Variants in SRBD1 observed in about 807,000 individuals in gnomAD.
SRBD1 encodes the protein S1 RNA binding domain 1.
A neutral mutation model predicts 115.3 loss-of-function variants in SRBD1; 88 were observed. The ratio of observed to expected loss-of-function variants is 0.76; its 90% CI spans 0.64 to 0.91. SRBD1 has a LOEUF of 0.91. Among genes scored for constraint, SRBD1 ranks in the 40% least tolerant of loss-of-function variants. The pLI is 0.00. For synonymous variants in SRBD1, 509 were observed against 407.7 expected, an observed-to-expected ratio of 1.25 and a Z score of -2.99; for missense variants, 1,385 against 1,177.4, an observed-to-expected ratio of 1.18 and a Z score of -2.58.
At chr2:45,511,217 A>T (rs1273876912) in intron 14 of SRBD1, among the ~76,000 whole-genome samples, 4 of 152,256 alleles carry the variant, frequency 2.6e-5, no homozygotes, top group Non-Finnish European at 5.9e-5. Flanking sequence ...ATCCTCTAAG[A>T]AAAACATTTC....
intron 10 of SRBD1, among the ~76,000 whole-genome samples, chr2:45,554,418 T>C (rs1421471326): frequency 6.6e-6 from 1 of 152,194 alleles, no homozygotes; most frequent in Non-Finnish European, 1.5e-5. Context: ...CACTGTATCC[T>C]TTTTTCCCCC....
chr2:45,480,172 G>GT (rs1369606051), intron 15 of SRBD1, among the ~76,000 whole-genome samples: 2 of 152,100 alleles, frequency 1.3e-5, no homozygotes, highest in Non-Finnish European at 2.9e-5. Flanking sequence ...GATTAATACT[G>GT]TTTTCATGCC....
At position 45,418,411 on chromosome 2, in the gene SRBD1, C is replaced by A; in HGVS notation, c.2287G>T (p.Ala763Ser). Residue 763 changes from alanine to serine, a missense_variant, in exon 18 of 21, where the codon GCT (alanine) becomes TCT (serine). Transcript: ENST00000263736. ...TCCTGGTTGATTCTGATGAAGCCAG[C>A]ACACTGTTGGAAGGATTTTGGGCCC... is the stretch of plus-strand genomic sequence containing the variant. Reference protein sequence around the residue: ...GLGPKSFQQCAGFIRINQDYI... With the variant: ...GLGPKSFQQCSGFIRINQDYI... The A allele has an allele frequency of 6.2e-7, 1 of 1,613,974 alleles. No individual in the cohort carries two copies. Among genetic ancestry groups the A allele is most frequent in the Non-Finnish European group, 8.5e-7 (1 of 1,179,964 alleles).
At chr2:45,487,104 A>G (rs1383962467) in intron 15 of SRBD1, among the ~76,000 whole-genome samples, 1 of 152,214 alleles carries the variant, frequency 6.6e-6, no homozygotes. Flanking sequence ...AAGGGAAACT[A>G]CAAGCTCTTT....
At chr2:45,555,739 A>T (rs376033762) in intron 10 of SRBD1, among the ~76,000 whole-genome samples, 1 of 151,988 alleles carries the variant, frequency 6.6e-6, no homozygotes, top group Non-Finnish European at 1.5e-5. Context: ...TGATCTGCCC[A>T]TGTCAGCCTC....
intron 16 of SRBD1, among the ~76,000 whole-genome samples, chr2:45,467,370 G>A (rs1669521564): frequency 6.6e-6 from 1 of 152,190 alleles, no homozygotes; most frequent in Non-Finnish European, 1.5e-5. Context: ...AATAATTTAA[G>A]AGTGAGGGAA....
intron 14 of SRBD1, among the ~76,000 whole-genome samples, chr2:45,531,544 T>TA (rs112785323): frequency 0.099 from 15,055 of 151,724 alleles, 1,152 homozygotes; most frequent in African/African-American, 0.19. Flanking sequence ...AGTTCTACAG[T>TA]AAAGACGATA....
At chr2:45,451,821 A>T (rs979470565) in intron 16 of SRBD1, among the ~76,000 whole-genome samples, 11 of 151,874 alleles carry the variant, frequency 7.2e-5, no homozygotes, top group Non-Finnish European at 1.5e-4. Flanking sequence ...TGGGCAGTAG[A>T]GATATCAATT....
At position 45,599,671 on chromosome 2, in the gene SRBD1, G is replaced by A. The variant is rs781090155; in HGVS notation, c.426C>T (p.Ala142=). The A allele has an allele frequency of 2.5e-6, 4 of 1,614,086 alleles. No homozygotes were observed. The African/African-American group carries it at 4.0e-5, about 16-fold the overall frequency. ...KLKVEEETSK[A]SNLEGESNSS... ...TATTACTCTCACCCTCTAAGTTGCT[G>A]GCTTTGCTGGTTTCTTCTTCAACTT... The change falls in exon 4 of 21, where the codon GCC becomes GCT. Residue 142 remains alanine, a synonymous_variant. Transcript: ENST00000263736.
chr2:45,499,281 T>C (rs1670554486), intron 14 of SRBD1, among the ~76,000 whole-genome samples: 1 of 151,494 alleles, frequency 6.6e-6, no homozygotes, highest in Non-Finnish European at 1.5e-5. Context: ...ATCTAGTGGT[T>C]ATCTGTATGT....
chr2:45,475,685 C>T (rs1317632748), intron 16 of SRBD1, among the ~76,000 whole-genome samples: 1 of 152,138 alleles, frequency 6.6e-6, no homozygotes, highest in Admixed American at 6.6e-5. Flanking sequence ...GCCTATATCA[C>T]AAAACTGTTA....
In SRBD1 at chr2:45,563,270, T is replaced by C. The variant is rs187831351; in HGVS notation, c.1306-514A>G. Among the ~76,000 whole-genome samples, 297 of 152,232 alleles carry C rather than the reference T, an allele frequency of 2.0e-3. 1 individual carries two copies. The highest frequency in any genetic ancestry group is 0.017 in the Middle Eastern group (5 of 294). On this transcript the variant is annotated intron_variant, in intron 9 of 20. Transcript: ENST00000263736. The stretch of plus-strand genomic sequence containing the variant: ...ATGTGTGTATTATCTTCACTTTATA[T>C]AATAATTTTTCTGAAACTAACTTGT...
intron 6 of SRBD1, among the ~76,000 whole-genome samples, chr2:45,580,678 T>C (rs1673331719): frequency 1.0e-5 from 1 of 95,608 alleles, no homozygotes; most frequent in African/African-American, 4.2e-5. Flanking sequence ...TTCTACTTCT[T>C]TTTTTTTTTT....
intron 7 of SRBD1, among the ~76,000 whole-genome samples, chr2:45,576,726 G>C (rs1558489702): frequency 6.6e-6 from 1 of 152,068 alleles, no homozygotes; most frequent in African/African-American, 2.4e-5. Context: ...CTAATTCCTG[G>C]AGTTCCAAGT....
intron 14 of SRBD1, among the ~76,000 whole-genome samples, chr2:45,522,546 C>T (rs1671318865): frequency 6.6e-6 from 1 of 152,124 alleles, no homozygotes. Context: ...ATTAGGGATG[C>T]TCAACTGTTA....
chr2:45,517,970 C>T (rs1363862494), intron 14 of SRBD1, among the ~76,000 whole-genome samples: 2 of 152,136 alleles, frequency 1.3e-5, no homozygotes, highest in African/African-American at 2.4e-5. Flanking sequence ...CACTGCACTG[C>T]AGCCTGGGTG....
chr2:45,573,069 C>T, intron 9 of SRBD1, 138 bp downstream of exon 9: 1 of 985,054 alleles, frequency 1.0e-6, no homozygotes, highest in Non-Finnish European at 1.4e-6. Context: ...AAGGATATGA[C>T]AATATTATAA....
intron 14 of SRBD1, among the ~76,000 whole-genome samples, chr2:45,537,024 T>G (rs1440712668): frequency 6.6e-6 from 1 of 152,192 alleles, no homozygotes; most frequent in Non-Finnish European, 1.5e-5. Context: ...TGCCCTCTAT[T>G]TCCTATTCTT....
chr2:45,488,133 T>C (rs906997875), intron 15 of SRBD1, 107 bp downstream of exon 15: 7 of 854,574 alleles, frequency 8.2e-6, no homozygotes, highest in Admixed American at 6.7e-5. Flanking sequence ...CTTATGCATG[T>C]AGTATAACTT....
Sources: allele counts gnomAD v4.1 joint callset (sites outside exome capture counted in the v4.1 genomes callset), GRCh38; gene constraint gnomAD v4.1.1; transcripts MANE v1.5; gene names NCBI Gene and HGNC (gene_info 2026-07-23, HGNC 2026-07-21).